The following FGFR3 variants were observed in gnomAD, a reference collection of about 807,000 sequenced individuals.
FGFR3 encodes FGFR-3.
A neutral mutation model predicts 82.9 loss-of-function variants in FGFR3; 25 were observed. The ratio of observed to expected loss-of-function variants is 0.30; its 90% CI spans 0.22 to 0.42. The LOEUF (loss-of-function observed/expected upper bound fraction) is 0.42, where lower values mean the gene tolerates loss of function less well. Ranked by LOEUF, FGFR3 falls within the 10% of genes least tolerant of loss-of-function variation. The pLI, the probability that FGFR3 is intolerant of heterozygous loss-of-function variation, is 1.00. For missense variants in FGFR3, 1,026 were observed against 1,161.0 expected (o/e 0.88, Z 1.69); for synonymous variants, 620 against 516.0 (o/e 1.20, Z -2.73).
chr4:1,797,452 C>G (rs1720650552), intron 2 of FGFR3, among the ~76,000 whole-genome samples: 1 of 152,218 alleles, frequency 6.6e-6, no homozygotes, highest in Non-Finnish European at 1.5e-5. Flanking sequence ...ACTGGTGTGG[C>G]TGGCCTGGGG....
intron 7 of FGFR3, among the ~76,000 whole-genome samples, chr4:1,803,346 C>G (rs1413160896): frequency 6.6e-6 from 1 of 152,028 alleles, no homozygotes; most frequent in East Asian, 1.9e-4. Context: ...CCCTTTGCGC[C>G]TCTCTCCACC....
Position 1,803,748 on chromosome 4 carries a change from C to G in FGFR3, c.987C>G (p.Val329=), listed in dbSNP as rs778158069. The change falls in exon 8 of 18, where the codon GTC becomes GTG. Residue 329 remains valine, a synonymous_variant. Coordinates refer to ENST00000440486, the MANE Select transcript of FGFR3 (RefSeq NM_000142.5). Reference sequence around the variant, plus strand: ...TAGAGGTTCTCTCCTTGCACAACGTCACCTTTGAGGACGCCGGGGAGTACA... The same window carrying G: ...TAGAGGTTCTCTCCTTGCACAACGTGACCTTTGAGGACGCCGGGGAGTACA... ...KELEVLSLHN[V]TFEDAGEYTC... is the part of the protein sequence containing the mutation. 6 of 1,613,978 alleles carry G rather than the reference C, an allele frequency of 3.7e-6. 1 individual carries two copies. In the Admixed American group the frequency reaches 6.7e-5, roughly 18 times the overall value.
intron 4 of FGFR3, 28 bp from the exon 5 acceptor site, chr4:1,801,339 T>C (rs1478465210): frequency 1.3e-6 from 2 of 1,545,342 alleles, no homozygotes; most frequent in Non-Finnish European, 1.7e-6. Context: ...ACTCGGGTCA[T>C]GGCCTTCACA....
intron 2 of FGFR3, among the ~76,000 whole-genome samples, chr4:1,795,527 C>T (rs1281957635): frequency 6.6e-6 from 1 of 152,132 alleles, no homozygotes; most frequent in Non-Finnish European, 1.5e-5. Flanking sequence ...CAAGATGGGC[C>T]GGGCAGTAAA....
chr4:1,807,071 A>G (rs1722023999), intron 17 of FGFR3, 45 bp from the exon 18 acceptor site: 1 of 1,555,384 alleles, frequency 6.4e-7, no homozygotes, highest in Non-Finnish European at 8.7e-7. Context: ...GGCTGTGCGA[A>G]GAGGGGCTCG....
chr4:1,799,537 C>T lies in FGFR3; in HGVS notation c.379+14C>T, dbSNP rs2108774159. ...TGCGGGTGACAGGTGAGCTCTGGGG[C>T]CACGCCAGCTACAGAAAGGAGCCGA... On this transcript the variant is annotated intron_variant, in intron 3 of 17. Transcript: ENST00000440486. 1.3e-6 allele frequency: 2 copies of T among 1,551,224 alleles called. No individual in the cohort carries two copies. Among genetic ancestry groups the T allele is most frequent in the Non-Finnish European group, 8.7e-7 (1 of 1,148,258 alleles).
At chr4:1,798,208 C>T (rs994018151) in intron 2 of FGFR3, among the ~76,000 whole-genome samples, 22 of 152,160 alleles carry the variant, frequency 1.4e-4, no homozygotes, top group African/African-American at 5.1e-4. Flanking sequence ...ACATCTGCCC[C>T]TGTGGGTGGG....
rs1721955798 is a variant in FGFR3 at position 1,806,639 on chromosome 4, G to A, written c.2124G>A (p.Lys708=). 6.2e-7 allele frequency: 1 copy of A among 1,612,982 alleles called. No individual in the cohort carries two copies. The highest frequency in any genetic ancestry group is 1.7e-5 in the Admixed American group (1 of 59,992). ...IPVEELFKLL[K]EGHRMDKPAN... ...TGGAGGAGCTCTTCAAGCTGCTGAA[G>A]GAGGGCCACCGCATGGACAAGCCCG... The change falls in exon 16 of 18, where the codon AAG becomes AAA. Residue 708 remains lysine (K), a synonymous_variant. Transcript: ENST00000440486.
intron 2 of FGFR3, among the ~76,000 whole-genome samples, chr4:1,797,809 C>T (rs1720695095): frequency 1.3e-5 from 2 of 152,134 alleles, no homozygotes; most frequent in East Asian, 1.9e-4. Context: ...GAGTGTGGGC[C>T]CTTCTGGCTG....
chr4:1,802,978 A>T (rs1721384330), intron 7 of FGFR3: 1 of 1,600,790 alleles, frequency 6.2e-7, no homozygotes, highest in Admixed American at 1.7e-5. Flanking sequence ...TCGGAGCGGG[A>T]CGGGGGCGAG....
intron 15 of FGFR3, 27 bp downstream of exon 15, chr4:1,806,354 C>A (rs2108809633): frequency 6.2e-7 from 1 of 1,612,594 alleles, no homozygotes. Context: ...GCTCAGGCTT[C>A]AGGGGTGGAG....
At chr4:1,802,838 G>A in intron 7 of FGFR3, 1 of 1,500,044 alleles carries the variant, frequency 6.7e-7, no homozygotes, top group Non-Finnish European at 8.9e-7. Context: ...GTACCTTGGG[G>A]GTCTCCCACA....
intron 8 of FGFR3, 77 bp from the exon 9 acceptor site, chr4:1,804,253 G>T (rs2108795551): frequency 6.7e-7 from 1 of 1,497,258 alleles, no homozygotes; most frequent in Non-Finnish European, 8.9e-7. Flanking sequence ...GGTGCCTGCG[G>T]CTCTGGGCCA....
chr4:1,806,479 C>T (rs2108810653), intron 15 of FGFR3, 67 bp from the exon 16 acceptor site: 1 of 1,611,740 alleles, frequency 6.2e-7, no homozygotes, highest in Non-Finnish European at 8.5e-7. Context: ...TGGCCTATTC[C>T]CCTGGTGCCC....
intron 7 of FGFR3, chr4:1,802,980 G>A (rs898019935): frequency 1.7e-5 from 27 of 1,600,688 alleles, no homozygotes; most frequent in African/African-American, 1.3e-4. Context: ...GGAGCGGGAC[G>A]GGGGCGAGTA....
chr4:1,798,578 G>C (rs1720806911), intron 2 of FGFR3, among the ~76,000 whole-genome samples: 1 of 142,816 alleles, frequency 7.0e-6, no homozygotes, highest in African/African-American at 2.7e-5. Flanking sequence ...CCTGTGCTCT[G>C]ACCGGTGAAC....
At position 1,807,902 on chromosome 4, in the gene FGFR3, CAT is replaced by C. The variant is rs1158691826; in HGVS notation, c.*652_*653del. ...AGATGCTGTGTATATGGTATATATA[CAT>C]ATATATATATAACATATATGGAAGA... On this transcript the variant is annotated 3_prime_UTR_variant, in exon 18 of 18. Transcript: ENST00000440486. The C allele has an allele frequency of 2.6e-4, 88 of 340,700 alleles. No homozygotes were observed. The highest frequency in any genetic ancestry group is 5.0e-4 in the East Asian group (10 of 20,192). 21.1% of individuals were successfully genotyped at this position (340,700 alleles called of 1,614,324 possible).
At position 1,803,769 on chromosome 4, in the gene FGFR3, G is replaced by A. The variant is rs775490669; in HGVS notation, c.1008G>A (p.Glu336=). The A allele has an allele frequency of 1.2e-6, 2 of 1,613,992 alleles. No homozygotes were observed. Among genetic ancestry groups the A allele is most frequent in the African/African-American group, 2.7e-5 (2 of 74,956 alleles). ...ACGTCACCTTTGAGGACGCCGGGGA[G>A]TACACCTGCCTGGCGGGCAATTCTA... ...LHNVTFEDAG[E]YTCLAGNSIG... The change falls in exon 8 of 18, where the codon GAG becomes GAA. Residue 336 remains glutamate, a synonymous_variant. Coordinates refer to ENST00000440486, the MANE Select transcript of FGFR3 (RefSeq NM_000142.5).
At chr4:1,798,485 C>T (rs927252172) in intron 2 of FGFR3, among the ~76,000 whole-genome samples, 2 of 151,872 alleles carry the variant, frequency 1.3e-5, no homozygotes, top group African/African-American at 4.8e-5. Context: ...CCGTGTGGAG[C>T]TTCCATAGGA....
Sources: gnomAD v4.1 joint callset for allele counts (sites outside exome capture counted in the v4.1 genomes callset) on GRCh38, gnomAD v4.1.1 for gene constraint, MANE v1.5 for transcripts, NCBI Gene and HGNC (gene_info 2026-07-23, HGNC 2026-07-21) for gene names.